UCN3: variants seen among roughly 807,000 people sequenced by gnomAD.
The protein encoded by UCN3 is urocortin 3, also known as urocortin-3.
Under a neutral mutation model 3.6 loss-of-function variants are expected in UCN3, and 3 were observed. That is an observed-to-expected ratio of 0.83 (90% CI 0.38 to 2.15). The LOEUF (loss-of-function observed/expected upper bound fraction) is 2.15, where lower values mean the gene tolerates loss of function less well. UCN3 is among the 30% of genes most tolerant of loss of function. UCN3 has a pLI of 0.06. For missense variants in UCN3, 206 were observed against 208.3 expected (o/e 0.99, Z 0.07); for synonymous variants, 100 against 93.2 (o/e 1.07, Z -0.42).
rs1197772936 is a variant in UCN3 at position 5,370,802 on chromosome 10, T to C, written c.-6-2913T>C. On this transcript the variant is annotated intron_variant, in intron 1 of 1. Transcript: ENST00000380433. ...GCGTGTGTGTGTGTATGCGTGTGTA[T>C]ATGTGTGTGTGCGTGTGTGTGCGCG... Among the ~76,000 whole-genome samples, 62 of 138,794 alleles carry C rather than the reference T, an allele frequency of 4.5e-4. 1 individual carries two copies. The highest frequency in any genetic ancestry group is 5.8e-4 in the Non-Finnish European group (38 of 65,958). 91.1% of individuals were successfully genotyped at this position (138,794 alleles called of 152,430 possible). A position where few individuals can be genotyped will look rare whatever the true frequency, so the allele number is the denominator to read the frequency against.
chr10:5,371,181 A>C (rs575701945), intron 1 of UCN3, among the ~76,000 whole-genome samples: 8 of 147,218 alleles, frequency 5.4e-5, no homozygotes, highest in Middle Eastern at 7.2e-3. Flanking sequence ...ATGTATGTGC[A>C]TATGTGTACG....
intron 1 of UCN3, among the ~76,000 whole-genome samples, chr10:5,371,364 G>C (rs1307282358): frequency 6.6e-6 from 1 of 151,900 alleles, no homozygotes; most frequent in East Asian, 1.9e-4. Context: ...ATATATGTGT[G>C]TATCTGTATG....
intron 1 of UCN3, among the ~76,000 whole-genome samples, chr10:5,369,913 ATATGTGTGTGTATGTGTGTGTGTG>A (rs1831320811): frequency 1.0e-5 from 1 of 99,702 alleles, no homozygotes; most frequent in Non-Finnish European, 1.9e-5. Flanking sequence ...GTGTGTGTGT[ATATGTGTGTGTATGTGTGTGTGTG>A]TATGTGTGTG....
At chr10:5,370,539 GCGTGTATA>G (rs1401914024) in intron 1 of UCN3, among the ~76,000 whole-genome samples, 4 of 102,790 alleles carry the variant, frequency 3.9e-5, no homozygotes, top group Non-Finnish European at 7.5e-5. Context: ...GTGTGTATAT[GCGTGTATA>G]TGTGTGTATA....
intron 1 of UCN3, among the ~76,000 whole-genome samples, chr10:5,373,134 A>G (rs980052206): frequency 7.2e-5 from 11 of 152,168 alleles, no homozygotes; most frequent in Admixed American, 2.0e-4. Flanking sequence ...AGTAAAACCA[A>G]CCTAGTTATT....
At chr10:5,372,184 T>G (rs1554811609) in intron 1 of UCN3, among the ~76,000 whole-genome samples, 3 of 152,188 alleles carry the variant, frequency 2.0e-5, no homozygotes, top group Non-Finnish European at 4.4e-5. Flanking sequence ...GGGGAGAGTG[T>G]GTGCCCGCAG....
chr10:5,371,335 TATGCAC>T, intron 1 of UCN3, among the ~76,000 whole-genome samples: 1 of 151,962 alleles, frequency 6.6e-6, no homozygotes, highest in Middle Eastern at 3.4e-3. Context: ...AAGGTGTGTA[TATGCAC>T]ATGTGTGCAT....
At position 5,374,331 on chromosome 10, in the gene UCN3, T is replaced by G. The variant is rs1554811849; in HGVS notation, c.*125T>G. ...TTTGTGTTTTGTGGGATCAGTCAGT[T>G]TTACAGGTTGCTGCACTGCTGAGCC... On this transcript the variant is annotated 3_prime_UTR_variant, in exon 2 of 2. Transcript: ENST00000380433. 1 of 950,028 alleles carries G rather than the reference T, an allele frequency of 1.1e-6. No homozygotes were observed. The highest frequency in any genetic ancestry group is 1.7e-5 in the African/African-American group (1 of 59,160). The allele number at this position is 950,028 out of a possible 1,614,324, so 58.8% of individuals were successfully genotyped here.
intron 1 of UCN3, among the ~76,000 whole-genome samples, chr10:5,370,479 A>G (rs1454571764): frequency 2.5e-4 from 13 of 52,306 alleles, no homozygotes; most frequent in African/African-American, 1.1e-3. Context: ...ATGCGTGTGT[A>G]TATGTGTGTA....
Position 5,373,975 on chromosome 10 carries a change from G to T in UCN3, c.255G>T (p.Gly85=). Residue 85 remains glycine (G), a synonymous_variant, in exon 2 of 2, where the codon GGG becomes GGT. Transcript: ENST00000380433. ...AGAAAAAGACTTTCCCCATCTCTGG[G>T]GCCAGGGGTGGAGCCAGAGGCACCC... ...GKEKKTFPIS[G]ARGGARGTRY... 1 of 1,610,578 alleles carries T rather than the reference G, an allele frequency of 6.2e-7. No individual in the cohort carries two copies. The highest frequency in any genetic ancestry group is 8.5e-7 in the Non-Finnish European group (1 of 1,178,470).
Position 5,370,848 on chromosome 10 carries a change from T to C in UCN3, c.-6-2867T>C, listed in dbSNP as rs868939375. Among the ~76,000 whole-genome samples the C allele has an allele frequency of 3.5e-4, 23 of 65,000 alleles. 1 individual carries two copies. The highest frequency in any genetic ancestry group is 1.5e-3 in the African/African-American group (22 of 14,570). The allele number at this position is 65,000 out of a possible 152,430, so 42.6% of individuals were successfully genotyped here. On this transcript the variant is annotated intron_variant, in intron 1 of 1. Coordinates refer to ENST00000380433, the MANE Select transcript of UCN3 (RefSeq NM_053049.4). ...GCGCGCGTGTGTGTGCGCGTGTGTG[T>C]GCGCGTGTGTGTGCGTGTGTATGTG...
At position 5,370,286 on chromosome 10, in the gene UCN3, C is replaced by T. The variant is rs1195300969; in HGVS notation, c.-6-3429C>T. Among the ~76,000 whole-genome samples, 19 of 17,588 alleles carry T rather than the reference C, an allele frequency of 1.1e-3. 2 individuals are homozygous for T. The highest frequency in any genetic ancestry group is 9.2e-3 in the South Asian group (3 of 326). 11.5% of individuals were successfully genotyped at this position (17,588 alleles called of 152,430 possible). A position where few individuals can be genotyped will look rare whatever the true frequency, so the allele number is the denominator to read the frequency against. ...GCGTGTGTATATGCGTGTGTATATG[C>T]GTGTGTGTATGCGTGTGTATATGCG... On this transcript the variant is annotated intron_variant, in intron 1 of 1. Transcript: ENST00000380433.
intron 1 of UCN3, among the ~76,000 whole-genome samples, chr10:5,369,885 A>ATATGTGTGTG (rs1831318275): frequency 2.8e-5 from 3 of 105,440 alleles, no homozygotes; most frequent in African/African-American, 4.4e-5. Flanking sequence ...ATGTGTGTGT[A>ATATGTGTGTG]TATGTGTGTG....
chr10:5,371,144 T>G (rs1224823358), intron 1 of UCN3, among the ~76,000 whole-genome samples: 2 of 151,428 alleles, frequency 1.3e-5, no homozygotes, highest in Non-Finnish European at 2.9e-5. Context: ...TGTGCATATG[T>G]GTGCATGTAT....
chr10:5,372,253 A>AGAG (rs1831440407), intron 1 of UCN3, among the ~76,000 whole-genome samples: 6 of 152,160 alleles, frequency 3.9e-5, no homozygotes, highest in African/African-American at 1.4e-4. Context: ...ACAGGAAGTC[A>AGAG]ACTCTGCCCA....
chr10:5,368,219 G>A (rs1834134374), intron 1 of UCN3, among the ~76,000 whole-genome samples: 1 of 151,992 alleles, frequency 6.6e-6, no homozygotes, highest in African/African-American at 2.4e-5. Flanking sequence ...GGCCAGGCTG[G>A]TCTCAAACTC....
rs991367800 is a variant in UCN3, at chr10:5,365,228, C to G, written c.-9C>G. 1.3e-5 allele frequency: 2 copies of G among 152,406 alleles called. No homozygotes were observed. The allele number at this position is 152,406 out of a possible 1,614,324, so 9.4% of individuals were successfully genotyped here. A position where few individuals can be genotyped will look rare whatever the true frequency, so the allele number is the denominator to read the frequency against. On this transcript the variant is annotated splice_region_variant and 5_prime_UTR_variant, in exon 1 of 2. Transcript: ENST00000380433. This position sits in a 1 kb window ranked among gnomAD's most constrained non-coding sequence, Gnocchi z 4.4. Reference sequence around the variant, plus strand: ...TTCGCTGCGGAGGGAAGTCCACTCTCGGGTAAGCTTGTGGCTGGGACTGAC... The same window carrying G: ...TTCGCTGCGGAGGGAAGTCCACTCTGGGGTAAGCTTGTGGCTGGGACTGAC...
chr10:5,369,877 GTGTGTGTATA>G (rs1554811029), intron 1 of UCN3, among the ~76,000 whole-genome samples: 15 of 144,752 alleles, frequency 1.0e-4, no homozygotes, highest in African/African-American at 3.9e-4. Context: ...GTGTGTATAT[GTGTGTGTATA>G]TGTGTGTGTG....
rs1413346569 is a variant in UCN3, at chr10:5,374,067, AC to A, written c.349del (p.Arg117AlafsTer15). 1.2e-6 allele frequency: 2 copies of A among 1,613,368 alleles called. No individual in the cohort carries two copies. The highest frequency in any genetic ancestry group is 1.7e-6 in the Non-Finnish European group (2 of 1,179,816). The part of the protein sequence containing the change: ...KPRQDTAKSP[H>X]RTKFTLSLDV... ...CGCCAGGACACGGCCAAGAGTCCCC[AC>A]CGCACCAAGTTCACCCTGTCCCTCG... On this transcript the variant is annotated frameshift_variant, in exon 2 of 2. Transcript: ENST00000380433. LOFTEE classifies it high-confidence loss of function.
Sources: allele counts gnomAD v4.1 joint callset (sites outside exome capture counted in the v4.1 genomes callset), GRCh38; gene constraint gnomAD v4.1.1; non-coding constraint Gnocchi (gnomAD v3.1); transcripts MANE v1.5; gene names NCBI Gene and HGNC (gene_info 2026-07-23, HGNC 2026-07-21).